The following PTPRT variants were observed in gnomAD, a reference collection of about 807,000 sequenced individuals.
The protein encoded by PTPRT is receptor-type tyrosine-protein phosphatase T.
PTPRT carries 56 observed loss-of-function variants against 176.8 expected under a neutral mutation model. That is an observed-to-expected ratio of 0.32 (90% CI 0.26 to 0.40). The LOEUF is 0.40. PTPRT is among the 10% of genes least tolerant of loss of function. The pLI, the probability that PTPRT is intolerant of heterozygous loss-of-function variation, is 1.00. For missense variants in PTPRT, 1,540 were observed against 1,908.2 expected (o/e 0.81, Z 3.60); for synonymous variants, 783 against 739.0 (o/e 1.06, Z -0.96).
intron 4 of PTPRT, among the ~76,000 whole-genome samples, chr20:42,774,654 T>C (rs1190944262): frequency 1.3e-5 from 2 of 152,130 alleles, no homozygotes; most frequent in East Asian, 1.9e-4. Context: ...CACTAGCCAG[T>C]CTCACCCGAT....
intron 9 of PTPRT, among the ~76,000 whole-genome samples, chr20:42,381,800 T>C (rs534825941): frequency 6.6e-6 from 1 of 152,320 alleles, no homozygotes; most frequent in South Asian, 2.1e-4. Context: ...GGAAATAATG[T>C]TCATCTTTAC....
chr20:42,789,921 G>A (rs143388592), intron 3 of PTPRT, among the ~76,000 whole-genome samples: 95 of 152,274 alleles, frequency 6.2e-4, no homozygotes, highest in African/African-American at 2.2e-3. Context: ...ACTGTACCAT[G>A]GATATTAACT....
At chr20:42,416,998 C>T (rs1409194710) in intron 9 of PTPRT, among the ~76,000 whole-genome samples, 1 of 151,938 alleles carries the variant, frequency 6.6e-6, no homozygotes, top group Admixed American at 6.6e-5. Context: ...GGTGTTTGTG[C>T]TATAGTAAAA....
Position 42,133,777 on chromosome 20 carries a change from T to C in PTPRT, c.2771-4947A>G, listed in dbSNP as rs114544452. Among the ~76,000 whole-genome samples the C allele has an allele frequency of 9.3e-3, 1,422 of 152,236 alleles. 24 individuals carry two copies. The highest frequency in any genetic ancestry group is 0.032 in the African/African-American group (1,317 of 41,532). Reference sequence around the variant, plus strand: ...TGTTAATAATAGGGGAAACAGTATGTGGGTGGGAGGGAGTACATGGGAATG... The same window carrying C: ...TGTTAATAATAGGGGAAACAGTATGCGGGTGGGAGGGAGTACATGGGAATG... On this transcript the variant is annotated intron_variant, in intron 18 of 30. Coordinates refer to ENST00000373187, the MANE Select transcript of PTPRT (RefSeq NM_007050.6).
intron 7 of PTPRT, among the ~76,000 whole-genome samples, chr20:42,557,091 G>T (rs1387238649): frequency 6.6e-6 from 1 of 152,096 alleles, no homozygotes; most frequent in East Asian, 1.9e-4. Flanking sequence ...GATGGTTAGG[G>T]TTGGAAGTTC....
chr20:42,978,740 T>G (rs1246148966), intron 1 of PTPRT, among the ~76,000 whole-genome samples: 1 of 152,182 alleles, frequency 6.6e-6, no homozygotes, highest in Non-Finnish European at 1.5e-5. Context: ...GAGAGTGACC[T>G]CTGGTCATCC....
chr20:42,386,579 A>C (rs6030190), intron 9 of PTPRT, among the ~76,000 whole-genome samples: 1 of 152,098 alleles, frequency 6.6e-6, no homozygotes, highest in Non-Finnish European at 1.5e-5. Flanking sequence ...TATCTTTCAT[A>C]CCTTCATAAC....
intron 16 of PTPRT, among the ~76,000 whole-genome samples, chr20:42,183,128 G>A (rs1262225703): frequency 1.3e-5 from 2 of 152,118 alleles, no homozygotes; most frequent in South Asian, 2.1e-4. Context: ...TAAAATCTAT[G>A]TTAGCTCCTT....
chr20:42,721,759 TG>T (rs1297341078), intron 6 of PTPRT, among the ~76,000 whole-genome samples: 3 of 152,344 alleles, frequency 2.0e-5, no homozygotes, highest in Admixed American at 6.5e-5. Flanking sequence ...CCTGCTGCCA[TG>T]TGCATCCATG....
chr20:42,152,275 CAAGACTT>C (rs544064542), intron 17 of PTPRT, among the ~76,000 whole-genome samples: 74 of 152,178 alleles, frequency 4.9e-4, no homozygotes, highest in Non-Finnish European at 9.3e-4. Flanking sequence ...CTGAAAAGCA[CAAGACTT>C]AGGGATTATA....
chr20:42,784,292 CT>C lies in PTPRT; in HGVS notation c.487-3994del, dbSNP rs1418840888. The stretch of plus-strand genomic sequence containing the variant: ...AACAGACCTGGTGTTTTAACCTAAT[CT>C]TTTATAGTTCTTGAGCAGAAAATCT... On this transcript the variant is annotated intron_variant, in intron 3 of 30. Coordinates refer to ENST00000373187, the MANE Select transcript of PTPRT (RefSeq NM_007050.6). 3.9e-5 allele frequency among the ~76,000 whole-genome samples: 6 copies of C among 152,276 alleles called. No individual in the cohort carries two copies. In the East Asian group the frequency reaches 1.2e-3, roughly 29 times the overall value.
At chr20:42,804,202 C>G (rs969173105) in intron 2 of PTPRT, among the ~76,000 whole-genome samples, 1 of 152,138 alleles carries the variant, frequency 6.6e-6, no homozygotes, top group South Asian at 2.1e-4. Flanking sequence ...TCCCTCACTC[C>G]TCCACCTGCC....
the PTPRT span, among the ~76,000 whole-genome samples, chr20:42,046,812 G>A: frequency 2.2e-5 from 3 of 134,998 alleles, no homozygotes; most frequent in Non-Finnish European, 5.1e-5. Flanking sequence ...TCTGTGTGTT[G>A]TAGGGGGCAC....
chr20:43,089,117 T>C (rs932993512), intron 1 of PTPRT, among the ~76,000 whole-genome samples: 1 of 152,202 alleles, frequency 6.6e-6, no homozygotes, highest in African/African-American at 2.4e-5. Flanking sequence ...TACTTATTTA[T>C]TGATTTTAAT....
At chr20:42,345,554 A>G (rs2058178663) in intron 11 of PTPRT, among the ~76,000 whole-genome samples, 1 of 138,388 alleles carries the variant, frequency 7.2e-6, no homozygotes, top group African/African-American at 2.7e-5. Flanking sequence ...TACTATACAC[A>G]CACACACATA....
chr20:42,771,152 T>C (rs1164961702), intron 5 of PTPRT, among the ~76,000 whole-genome samples: 1 of 152,032 alleles, frequency 6.6e-6, no homozygotes, highest in African/African-American at 2.4e-5. Flanking sequence ...ATGAGACACA[T>C]CCCGCCAGAC....
intron 7 of PTPRT, among the ~76,000 whole-genome samples, chr20:42,569,028 A>G (rs2073097664): frequency 8.5e-6 from 1 of 118,122 alleles, no homozygotes; most frequent in African/African-American, 3.3e-5. Context: ...AGCCTGGGCG[A>G]CAGAGCAAGA....
chr20:42,718,944 T>A (rs1380041840), intron 6 of PTPRT, among the ~76,000 whole-genome samples: 1 of 152,244 alleles, frequency 6.6e-6, no homozygotes. Context: ...GTAGGAAAGA[T>A]ACATAGTCAA....
intron 12 of PTPRT, among the ~76,000 whole-genome samples, chr20:42,309,831 C>T (rs2057599858): frequency 6.6e-6 from 1 of 152,148 alleles, no homozygotes; most frequent in South Asian, 2.1e-4. Flanking sequence ...ACACCAACCA[C>T]AATTCATCAC....
Sources: allele counts gnomAD v4.1 joint callset (sites outside exome capture counted in the v4.1 genomes callset), GRCh38; gene constraint gnomAD v4.1.1; transcripts MANE v1.5; gene names NCBI Gene and HGNC (gene_info 2026-07-23, HGNC 2026-07-21).